The following DIS3L2 variants were observed in gnomAD, a reference collection of about 807,000 sequenced individuals.
DIS3L2 encodes DIS3-like exonuclease 2.
Under a neutral mutation model 97.5 loss-of-function variants are expected in DIS3L2, and 34 were observed. The ratio of observed to expected loss-of-function variants is 0.35; its 90% CI spans 0.27 to 0.46. DIS3L2 has a LOEUF of 0.46. Ranked by LOEUF, DIS3L2 falls within the 20% of genes least tolerant of loss-of-function variation. The pLI is 1.00. For missense variants in DIS3L2, 1,038 were observed against 1,146.0 expected (o/e 0.91, Z 1.36); for synonymous variants, 435 against 445.2 (o/e 0.98, Z 0.29).
At chr2:232,256,342 G>C (rs2106272574) in intron 12 of DIS3L2, among the ~76,000 whole-genome samples, 1 of 152,292 alleles carries the variant, frequency 6.6e-6, no homozygotes, top group African/African-American at 2.4e-5. Flanking sequence ...CCCAGCTCCA[G>C]GGACCTGACA....
intron 5 of DIS3L2, among the ~76,000 whole-genome samples, chr2:232,055,106 T>C (rs998422078): frequency 1.3e-5 from 2 of 152,190 alleles, no homozygotes; most frequent in Non-Finnish European, 2.9e-5. Context: ...TGATAAAGGC[T>C]CCTTACAAAA....
At chr2:232,156,970 A>G (rs1690511964) in intron 8 of DIS3L2, among the ~76,000 whole-genome samples, 1 of 152,190 alleles carries the variant, frequency 6.6e-6, no homozygotes, top group African/African-American at 2.4e-5. Context: ...ATGTTAATAA[A>G]TGGTCATATT....
chr2:232,118,286 A>C (rs1008118901), intron 6 of DIS3L2, among the ~76,000 whole-genome samples: 3 of 152,206 alleles, frequency 2.0e-5, no homozygotes, highest in Non-Finnish European at 4.4e-5. Context: ...ACACTCAGGT[A>C]GGGGTGATCA....
chr2:232,300,227 T>A (rs1694820753), intron 14 of DIS3L2, 108 bp downstream of exon 14: 1 of 967,226 alleles, frequency 1.0e-6, no homozygotes. Flanking sequence ...AGGAAGGGAA[T>A]ACACCTTTTA....
intron 6 of DIS3L2, among the ~76,000 whole-genome samples, chr2:232,088,625 C>T (rs2106311040): frequency 6.6e-6 from 1 of 151,144 alleles, no homozygotes; most frequent in African/African-American, 2.4e-5. Flanking sequence ...ATTTTATAAA[C>T]AAATAGCCTT....
intron 10 of DIS3L2, among the ~76,000 whole-genome samples, chr2:232,213,661 G>GTTTTTTTTTTTTTTTTTTTTTTTTTT (rs67846645): frequency 1.2e-5 from 1 of 80,740 alleles, no homozygotes; most frequent in Non-Finnish European, 2.3e-5. Flanking sequence ...ATCATCTGTA[G>GTTTTTTTTTTTTTTTTTTTTTTTTTT]TTTTTTTTTT....
rs180865450 is a variant in DIS3L2, at chr2:232,262,234, G to A, written c.1426-973G>A. Reference sequence around the variant, plus strand: ...TCCATAGACCCTTCCACCTCCAAACGGCCCAGGCCCACATCCGAATGCCTG... The same window carrying A: ...TCCATAGACCCTTCCACCTCCAAACAGCCCAGGCCCACATCCGAATGCCTG... On this transcript the variant is annotated intron_variant, in intron 12 of 20. Coordinates refer to ENST00000325385, the MANE Select transcript of DIS3L2 (RefSeq NM_152383.5). Among the ~76,000 whole-genome samples, 180 of 151,832 alleles carry A rather than the reference G, an allele frequency of 1.2e-3. 1 individual carries two copies. Among genetic ancestry groups the A allele is most frequent in the Non-Finnish European group, 3.2e-4 (22 of 67,926 alleles).
At chr2:232,324,502 C>T (rs1171166920) in intron 14 of DIS3L2, among the ~76,000 whole-genome samples, 1 of 152,080 alleles carries the variant, frequency 6.6e-6, no homozygotes, top group Non-Finnish European at 1.5e-5. Context: ...CTGGTCCTGC[C>T]CCTCTGCCCC....
intron 14 of DIS3L2, among the ~76,000 whole-genome samples, chr2:232,322,718 G>GCTGC (rs1695469374): frequency 1.3e-5 from 2 of 152,208 alleles, no homozygotes; most frequent in Admixed American, 1.3e-4. Flanking sequence ...CGTTTTTGTG[G>GCTGC]CTGCCTTGGT....
intron 5 of DIS3L2, among the ~76,000 whole-genome samples, chr2:232,032,222 T>C (rs1340764776): frequency 1.3e-5 from 2 of 152,254 alleles, no homozygotes; most frequent in Non-Finnish European, 2.9e-5. Context: ...TGAGATAATA[T>C]CTCATTGTGG....
At chr2:232,049,109 C>T (rs1181740236) in intron 5 of DIS3L2, among the ~76,000 whole-genome samples, 2 of 152,028 alleles carry the variant, frequency 1.3e-5, no homozygotes, top group Non-Finnish European at 2.9e-5. Context: ...TTAATGACTA[C>T]ATAATATTTC....
At chr2:232,036,740 G>T (rs1374178494) in intron 5 of DIS3L2, among the ~76,000 whole-genome samples, 1 of 152,092 alleles carries the variant, frequency 6.6e-6, no homozygotes, top group East Asian at 1.9e-4. Context: ...TGATGCTATT[G>T]CTTTCTGTTT....
At chr2:232,158,847 A>G (rs930506400) in intron 8 of DIS3L2, among the ~76,000 whole-genome samples, 28 of 152,284 alleles carry the variant, frequency 1.8e-4, no homozygotes, top group African/African-American at 6.5e-4. Context: ...CAGAATACAA[A>G]ATAATTTTTA....
At chr2:232,288,942 A>G (rs761267176) in intron 13 of DIS3L2, among the ~76,000 whole-genome samples, 1 of 152,228 alleles carries the variant, frequency 6.6e-6, no homozygotes, top group African/African-American at 2.4e-5. Context: ...AAAGACAGAA[A>G]ATCAGAATGA....
At chr2:232,288,668 A>G (rs947577572) in intron 13 of DIS3L2, among the ~76,000 whole-genome samples, 1 of 152,208 alleles carries the variant, frequency 6.6e-6, no homozygotes, top group East Asian at 1.9e-4. Context: ...TTTTTTCAAG[A>G]ATACAGCCAG....
chr2:232,230,662 G>A (rs1442852342), intron 10 of DIS3L2, among the ~76,000 whole-genome samples: 6 of 152,162 alleles, frequency 3.9e-5, no homozygotes, highest in Non-Finnish European at 8.8e-5. Context: ...GACTGCAGAT[G>A]GCATTAATAG....
intron 1 of DIS3L2, chr2:231,978,381 A>G (rs1431995924): frequency 6.6e-6 from 1 of 152,218 alleles, no homozygotes; most frequent in East Asian, 1.9e-4. Flanking sequence ...TGTTTTTGAC[A>G]CTAATCAAAT....
At chr2:232,240,423 CTG>C in intron 11 of DIS3L2, among the ~76,000 whole-genome samples, 1 of 152,190 alleles carries the variant, frequency 6.6e-6, no homozygotes. Context: ...GAGTCAGAAG[CTG>C]TGTGATCATC....
intron 6 of DIS3L2, among the ~76,000 whole-genome samples, chr2:232,117,260 T>A (rs909252968): frequency 2.0e-5 from 3 of 152,180 alleles, no homozygotes; most frequent in African/African-American, 7.2e-5. Flanking sequence ...TCCAACAAAA[T>A]GTGGCAGCAC....
Sources: gnomAD v4.1 joint callset for allele counts (sites outside exome capture counted in the v4.1 genomes callset) on GRCh38, gnomAD v4.1.1 for gene constraint, MANE v1.5 for transcripts, NCBI Gene and HGNC (gene_info 2026-07-23, HGNC 2026-07-21) for gene names.